ANKRD12: variants seen among roughly 807,000 people sequenced by gnomAD.
ANKRD12 encodes ankyrin repeat domain-containing protein 12.
Under a neutral mutation model 183.4 loss-of-function variants are expected in ANKRD12, and 85 were observed. The observed-to-expected ratio is 0.46, with a 90% confidence interval of 0.39 to 0.56. The LOEUF is 0.56. Among genes scored for constraint, ANKRD12 ranks in the 20% least tolerant of loss-of-function variants. The probability of loss-of-function intolerance (pLI) is 0.00; values close to 1 mark genes in which losing one functional copy is unlikely to be tolerated. For missense variants in ANKRD12, 2,405 were observed against 2,357.1 expected, an observed-to-expected ratio of 1.02 and a Z score of -0.42; for synonymous variants, 914 against 800.2, an observed-to-expected ratio of 1.14 and a Z score of -2.40.
At chr18:9,231,328 A>T (rs949936363) in intron 8 of ANKRD12, among the ~76,000 whole-genome samples, 2 of 152,098 alleles carry the variant, frequency 1.3e-5, no homozygotes, top group Non-Finnish European at 2.9e-5. Context: ...GATCTGTCTA[A>T]TGCTGACAGT....
At chr18:9,215,394 T>G (rs2036040234) in intron 6 of ANKRD12, among the ~76,000 whole-genome samples, 1 of 152,134 alleles carries the variant, frequency 6.6e-6, no homozygotes, top group East Asian at 1.9e-4. Context: ...AACTCTTTTC[T>G]GGATTGATGT....
At chr18:9,242,450 T>G (rs1010556063) in intron 8 of ANKRD12, among the ~76,000 whole-genome samples, 1 of 121,194 alleles carries the variant, frequency 8.3e-6, no homozygotes, top group Admixed American at 9.3e-5. Flanking sequence ...CTTAAAAATA[T>G]TATATATGCA....
chr18:9,208,745 C>T lies in ANKRD12; in HGVS notation c.393C>T (p.Leu131=), dbSNP rs762894996. ...TPVSILFGYP[L]SERKQMALLM... Reference sequence around the variant, plus strand: ...TTAGCATTCTTTTTGGTTATCCACTCTCTGAGCGAAAACAGATGGCACTTC... The same window carrying T: ...TTAGCATTCTTTTTGGTTATCCACTTTCTGAGCGAAAACAGATGGCACTTC... Residue 131 remains leucine, a synonymous_variant, in exon 5 of 13, where the codon CTC becomes CTT. Transcript: ENST00000262126. The T allele has an allele frequency of 3.1e-6, 5 of 1,610,566 alleles. No homozygotes were observed. The highest frequency in any genetic ancestry group is 4.2e-6 in the Non-Finnish European group (5 of 1,178,228).
chr18:9,216,833 A>T lies in ANKRD12; in HGVS notation c.728A>T (p.Asp243Val). 6.2e-7 allele frequency: 1 copy of T among 1,613,704 alleles called. No individual in the cohort carries two copies. The highest frequency in any genetic ancestry group is 8.5e-7 in the Non-Finnish European group (1 of 1,179,694). Residue 243 changes from aspartate (D) to valine (V), a missense_variant, in exon 7 of 13, where the codon GAT (aspartate) becomes GTT (valine). This residue lies in a region of ANKRD12 where 39 missense variants were observed against 104.8 expected (regional missense o/e 0.37). Transcript: ENST00000262126. The stretch of plus-strand genomic sequence containing the variant: ...AAGATACTTATAGCAGCTGGAGCAG[A>T]TGTTAACACACAAGGATTAGATGAT... ...VAKILIAAGA[D>V]VNTQGLDDDT...
At chr18:9,264,632 TACAA>T (rs1195879998) in intron 10 of ANKRD12, among the ~76,000 whole-genome samples, 1 of 152,174 alleles carries the variant, frequency 6.6e-6, no homozygotes, top group Non-Finnish European at 1.5e-5. Context: ...TTCATAGAAT[TACAA>T]AGAGAAGCAA....
At chr18:9,216,519 A>T (rs1477811298) in intron 6 of ANKRD12, among the ~76,000 whole-genome samples, 1 of 152,236 alleles carries the variant, frequency 6.6e-6, no homozygotes, top group Middle Eastern at 3.2e-3. Context: ...TTTTGACTGC[A>T]TGGGGGTTAA....
chr18:9,228,371 T>C (rs1350158800), intron 8 of ANKRD12, among the ~76,000 whole-genome samples: 1 of 152,134 alleles, frequency 6.6e-6, no homozygotes, highest in Non-Finnish European at 1.5e-5. Context: ...TGGTATTCTA[T>C]TTTTAATTTT....
chr18:9,258,795 G>A lies in ANKRD12; in HGVS notation c.5528G>A (p.Arg1843Lys). The A allele has an allele frequency of 1.2e-6, 2 of 1,613,622 alleles. No individual in the cohort carries two copies. The highest frequency in any genetic ancestry group is 1.7e-6 in the Non-Finnish European group (2 of 1,179,774). The change falls in exon 9 of 13, where the codon AGG becomes AAG. Residue 1843 changes from arginine (R) to lysine (K), a missense_variant. Arg to Lys is a conservative substitution (Grantham distance 26). This residue lies in a region of ANKRD12 where 162 missense variants were observed against 272.2 expected (regional missense o/e 0.60). Transcript: ENST00000262126. ...CCATATTTTGAATACTTGCACATAA[G>A]GAAAAAAATAGAAGAAAAACGCAAA... ...ANPYFEYLHI[R>K]KKIEEKRKLL...
At chr18:9,151,421 C>A (rs1370601096) in intron 1 of ANKRD12, among the ~76,000 whole-genome samples, 1 of 152,094 alleles carries the variant, frequency 6.6e-6, no homozygotes, top group African/African-American at 2.4e-5. Flanking sequence ...ATTTAAGAAG[C>A]AGAATTTTGG....
intron 10 of ANKRD12, among the ~76,000 whole-genome samples, chr18:9,266,681 A>G (rs1024263982): frequency 1.2e-4 from 18 of 152,244 alleles, no homozygotes; most frequent in African/African-American, 4.1e-4. Context: ...TGTAAAGACC[A>G]TCAATGCTAG....
At chr18:9,217,743 T>C (rs72937291) in intron 7 of ANKRD12, among the ~76,000 whole-genome samples, 11,348 of 152,262 alleles carry the variant, frequency 0.075, 437 homozygotes, top group African/African-American at 0.086. Flanking sequence ...CCTTATTTTT[T>C]ACTGATATTC....
At chr18:9,157,575 G>GTATATATATA (rs1324001858) in intron 1 of ANKRD12, among the ~76,000 whole-genome samples, 6 of 112,782 alleles carry the variant, frequency 5.3e-5, no homozygotes, top group Non-Finnish European at 5.3e-5. Flanking sequence ...GTGTGTGTGT[G>GTATATATATA]TGTGTGTGTG....
At chr18:9,209,272 A>G (rs1378040613) in intron 5 of ANKRD12, among the ~76,000 whole-genome samples, 3 of 152,234 alleles carry the variant, frequency 2.0e-5, no homozygotes, top group Non-Finnish European at 2.9e-5. Flanking sequence ...AAAGGTAGAT[A>G]AAATCCAGGC....
At chr18:9,271,573 G>A (rs1299051393) in intron 10 of ANKRD12, among the ~76,000 whole-genome samples, 2 of 152,092 alleles carry the variant, frequency 1.3e-5, no homozygotes, top group South Asian at 2.1e-4. Flanking sequence ...GCCCAGGCTG[G>A]TCTCAAATTC....
At chr18:9,156,917 C>T (rs1488322629) in intron 1 of ANKRD12, among the ~76,000 whole-genome samples, 2 of 152,234 alleles carry the variant, frequency 1.3e-5, no homozygotes, top group South Asian at 4.2e-4. Flanking sequence ...TGCACTTGCA[C>T]GAAGTGCCTA....
chr18:9,279,753 A>G lies in ANKRD12; in HGVS notation c.6003+109A>G, dbSNP rs151216561. ...ATAATTAGGAGGGGAAATACTGGTT[A>G]GTCATGAATCCTCACACTGGGCCAC... is the stretch of plus-strand genomic sequence containing the variant. On this transcript the variant is annotated intron_variant, in intron 12 of 12. Transcript: ENST00000262126. 2.4e-3 allele frequency: 1,494 copies of G among 632,946 alleles called. 27 individuals carry two copies. In the African/African-American group the frequency reaches 0.025, roughly 11 times the overall value. The allele number at this position is 632,946 out of a possible 1,614,324, so 39.2% of individuals were successfully genotyped here.
intron 8 of ANKRD12, chr18:9,235,893 T>C (rs2037318547): frequency 3.7e-6 from 1 of 273,668 alleles, no homozygotes; most frequent in Middle Eastern, 1.0e-3. Context: ...TCTGGGAAAA[T>C]CTTATAGAAA....
chr18:9,161,505 A>G (rs1016749724), intron 1 of ANKRD12, among the ~76,000 whole-genome samples: 1 of 151,714 alleles, frequency 6.6e-6, no homozygotes, highest in Admixed American at 6.6e-5. Context: ...CCTCCTGAGT[A>G]GCTGGGACCA....
At chr18:9,264,526 C>T (rs1837306843) in intron 10 of ANKRD12, among the ~76,000 whole-genome samples, 1 of 152,102 alleles carries the variant, frequency 6.6e-6, no homozygotes, top group Admixed American at 6.5e-5. Flanking sequence ...GATTGATTTT[C>T]CTGGCACAGG....
Sources: gnomAD v4.1 joint callset for allele counts (sites outside exome capture counted in the v4.1 genomes callset) on GRCh38, gnomAD v4.1.1 for gene constraint, gnomAD v4.1.1 regional missense constraint, MANE v1.5 for transcripts, NCBI Gene and HGNC (gene_info 2026-07-23, HGNC 2026-07-21) for gene names.